Variants in XCR1 observed in about 807,000 individuals in gnomAD.
XCR1 encodes the protein chemokine XC receptor 1.
For synonymous variants in XCR1, 187 were observed against 188.5 expected (o/e 0.99, Z 0.06); for missense variants, 356 against 424.2 (o/e 0.84, Z 1.41).
intron 5 of XCR1, among the ~76,000 whole-genome samples, chr3:46,041,604 A>G (rs1697537509): frequency 6.6e-6 from 1 of 152,204 alleles, no homozygotes; most frequent in Admixed American, 6.5e-5. Flanking sequence ...GAATTTATAA[A>G]TAGAAAGGGG....
chr3:46,056,031 C>T lies in XCR1; in HGVS notation c.-182-1961G>A, dbSNP rs1438972110. Among the ~76,000 whole-genome samples, 6 of 152,174 alleles carry T rather than the reference C, an allele frequency of 3.9e-5. No individual in the cohort carries two copies. In the South Asian group the frequency reaches 1.0e-3, roughly 26 times the overall value. On this transcript the variant is annotated intron_variant, in intron 4 of 5. Coordinates refer to the XCR1 transcript ENST00000683768. ...CTAGGGCTTGGTTTAAGGGGAGCCA[C>T]ACTTGTTTCCAAGATTGGGCTTGGG...
At chr3:46,024,049 G>A in intron 1 of XCR1, 1 of 1,154,050 alleles carries the variant, frequency 8.7e-7, no homozygotes, top group Non-Finnish European at 1.3e-6. Flanking sequence ...TGCCGGGAAA[G>A]CCAAGGACAT....
At chr3:46,084,731 G>C (rs983825584) in intron 1 of XCR1, among the ~76,000 whole-genome samples, 1 of 152,192 alleles carries the variant, frequency 6.6e-6, no homozygotes, top group African/African-American at 2.4e-5. Flanking sequence ...TTATAAGCAA[G>C]AGCTAAACAC....
intron 3 of XCR1, among the ~76,000 whole-genome samples, chr3:46,073,382 G>T (rs1024841610): frequency 2.0e-5 from 3 of 152,080 alleles, no homozygotes; most frequent in African/African-American, 7.2e-5. Flanking sequence ...ATCACTTGAG[G>T]CCTGGAGTTC....
chr3:46,042,800 G>A (rs962217390), intron 5 of XCR1, among the ~76,000 whole-genome samples: 1 of 152,116 alleles, frequency 6.6e-6, no homozygotes, highest in African/African-American at 2.4e-5. Flanking sequence ...TGAAGAGAAG[G>A]GAACAGTTCT....
At chr3:46,078,694 G>A (rs1290342227) in intron 1 of XCR1, among the ~76,000 whole-genome samples, 1 of 152,184 alleles carries the variant, frequency 6.6e-6, no homozygotes, top group Non-Finnish European at 1.5e-5. Flanking sequence ...TGTTTCATCT[G>A]TGACCAATTC....
chr3:46,084,563 A>G (rs1698437286), intron 1 of XCR1, among the ~76,000 whole-genome samples: 1 of 152,188 alleles, frequency 6.6e-6, no homozygotes, highest in Non-Finnish European at 1.5e-5. Flanking sequence ...TAATCAATGT[A>G]ATTTCTATAA....
intron 5 of XCR1, among the ~76,000 whole-genome samples, chr3:46,039,441 C>T (rs56738797): frequency 0.12 from 15,985 of 129,556 alleles, 2,654 homozygotes; most frequent in African/African-American, 0.37. Flanking sequence ...TACTTTAATC[C>T]GGTGGTTTGA....
At position 46,074,214 on chromosome 3, in the gene XCR1, C is replaced by CTTTTTTTTTTTTTTTTTTT. The variant is rs35124592; in HGVS notation, c.-263+418_-263+436dup. ...CAACACGAATGGAACTGAAGGCCAT[C>CTTTTTTTTTTTTTTTTTTT]TTTTTTTTTTTTTTTTTTTTTTTTT... On this transcript the variant is annotated intron_variant, in intron 3 of 5. Transcript: ENST00000683768. Among the ~76,000 whole-genome samples the CTTTTTTTTTTTTTTTTTTT allele has an allele frequency of 1.5e-3, 132 of 86,660 alleles. 9 individuals carry two copies. The highest frequency in any genetic ancestry group is 1.9e-3 in the African/African-American group (44 of 23,228). 56.9% of individuals were successfully genotyped at this position (86,660 alleles called of 152,430 possible).
At chr3:46,064,329 C>G (rs1430169423) in intron 4 of XCR1, among the ~76,000 whole-genome samples, 1 of 152,184 alleles carries the variant, frequency 6.6e-6, no homozygotes, top group African/African-American at 2.4e-5. Context: ...GTCTGTCTCT[C>G]CAGTGCCTAG....
At chr3:46,034,007 T>G (rs2125896215) in intron 5 of XCR1, among the ~76,000 whole-genome samples, 1 of 152,152 alleles carries the variant, frequency 6.6e-6, no homozygotes, top group East Asian at 1.9e-4. Flanking sequence ...AGAGTCTCAC[T>G]CTGTTGCCAG....
intron 3 of XCR1, among the ~76,000 whole-genome samples, chr3:46,073,661 T>A (rs895581352): frequency 6.6e-6 from 1 of 152,042 alleles, no homozygotes; most frequent in African/African-American, 2.4e-5. Context: ...GGAGAAAATA[T>A]TTGCGACTTA....
At chr3:46,081,469 CTTA>C (rs2125904762) in intron 1 of XCR1, among the ~76,000 whole-genome samples, 1 of 152,298 alleles carries the variant, frequency 6.6e-6, no homozygotes, top group South Asian at 2.1e-4. Flanking sequence ...CAGAATACTT[CTTA>C]TTAAGAACTC....
intron 3 of XCR1, among the ~76,000 whole-genome samples, chr3:46,071,424 C>T (rs553796760): frequency 6.6e-6 from 1 of 152,038 alleles, no homozygotes; most frequent in South Asian, 2.1e-4. Flanking sequence ...TGATACTGTT[C>T]TAAAAAATTG....
In XCR1 at chr3:46,021,429, C is replaced by G; in HGVS notation, c.519G>C (p.Ser173=). 6.2e-7 allele frequency: 1 copy of G among 1,614,064 alleles called. No homozygotes were observed. Among genetic ancestry groups the G allele is most frequent in the Non-Finnish European group, 8.5e-7 (1 of 1,179,998 alleles). Residue 173 remains serine, a synonymous_variant, in exon 2 of 2, where the codon TCG becomes TCC. Transcript: ENST00000309285. The surrounding 1 kb of genome is among the most constrained non-coding windows in gnomAD (Gnocchi z 4.7). The part of the protein sequence containing the change: ...LDTIFHKVLS[S]GCDYSELTWY... ...ACGTGAGTTCGGAATAATCACAGCC[C>G]GAAGAAAGCACCTTGTGGAAGATGG...
intron 3 of XCR1, among the ~76,000 whole-genome samples, chr3:46,073,158 T>A (rs757417781): frequency 1.3e-5 from 2 of 152,014 alleles, no homozygotes; most frequent in African/African-American, 4.8e-5. Flanking sequence ...GACTCAAAAC[T>A]ATAAAAATAC....
At chr3:46,046,163 C>T (rs1434279880) in intron 5 of XCR1, among the ~76,000 whole-genome samples, 4 of 152,128 alleles carry the variant, frequency 2.6e-5, no homozygotes, top group Non-Finnish European at 4.4e-5. Flanking sequence ...GTATAACCTG[C>T]ATGGACCTAG....
intron 1 of XCR1, chr3:46,023,579 C>A: frequency 7.0e-7 from 1 of 1,438,294 alleles, no homozygotes; most frequent in Non-Finnish European, 9.8e-7. Context: ...AAGGATGTAG[C>A]TGCCCATCTT....
At chr3:46,046,136 G>A (rs1467771201) in intron 5 of XCR1, among the ~76,000 whole-genome samples, 1 of 152,160 alleles carries the variant, frequency 6.6e-6, no homozygotes, top group African/African-American at 2.4e-5. Flanking sequence ...AATATTGCAC[G>A]TTCTCACTTA....
Sources: allele counts gnomAD v4.1 joint callset (sites outside exome capture counted in the v4.1 genomes callset), GRCh38; gene constraint gnomAD v4.1.1; non-coding constraint Gnocchi (gnomAD v3.1); transcripts MANE v1.5; gene names NCBI Gene and HGNC (gene_info 2026-07-23, HGNC 2026-07-21).